The following NRROS variants were observed in gnomAD, a reference collection of about 807,000 sequenced individuals.
NRROS encodes negative regulator of reactive oxygen species.
In NRROS, 6 loss-of-function variants were observed where a neutral mutation model predicts 12.0. That is an observed-to-expected ratio of 0.50 (90% CI 0.27 to 0.98). The LOEUF (loss-of-function observed/expected upper bound fraction) is 0.98, where lower values mean the gene tolerates loss of function less well. NRROS is among the 50% of genes least tolerant of loss of function. NRROS has a pLI of 0.11. For synonymous variants in NRROS, 462 were observed against 410.2 expected, an observed-to-expected ratio of 1.13 and a Z score of -1.53; for missense variants, 857 against 888.2, an observed-to-expected ratio of 0.96 and a Z score of 0.45.
chr3:196,658,827 G>A (rs1047019796), intron 2 of NRROS, among the ~76,000 whole-genome samples: 12 of 152,172 alleles, frequency 7.9e-5, no homozygotes, highest in South Asian at 4.1e-4. Flanking sequence ...AAAGTTAGCT[G>A]GGCGTGGTGG....
At chr3:196,651,021 G>T (rs1048514905) in intron 1 of NRROS, among the ~76,000 whole-genome samples, 1 of 152,180 alleles carries the variant, frequency 6.6e-6, no homozygotes, top group African/African-American at 2.4e-5. Flanking sequence ...AGATGCTGTG[G>T]CGTGGTCCTC....
In NRROS at chr3:196,661,164, G is replaced by T. The variant is rs1197705745; in HGVS notation, c.1521G>T (p.Gln507His). The T allele has an allele frequency of 6.2e-7, 1 of 1,612,744 alleles. No individual in the cohort carries two copies. The highest frequency in any genetic ancestry group is 8.5e-7 in the Non-Finnish European group (1 of 1,179,126). The change falls in exon 3 of 3, where the codon CAG becomes CAT. Residue 507 changes from glutamine (Q) to histidine (H), a missense_variant. Transcript: ENST00000328557. The part of the protein sequence containing the change: ...GVLNGSLAPL[Q>H]DVAPMLQVLS... ...TGAATGGGAGCCTCGCCCCACTCCA[G>T]GATGTTGCCCCCATGTTACAGGTCC... is the stretch of plus-strand genomic sequence containing the variant.
rs189600508 is a variant in NRROS, at chr3:196,656,805, C to T, written c.108+2158C>T. On this transcript the variant is annotated intron_variant, in intron 2 of 2. Transcript: ENST00000328557. Reference sequence around the variant, plus strand: ...AGTAGAGAATTGGCTGCCAGGAAGCCCAAAGAGTGGGTTTCCTGTGGCTCT... The same window carrying T: ...AGTAGAGAATTGGCTGCCAGGAAGCTCAAAGAGTGGGTTTCCTGTGGCTCT... Among the ~76,000 whole-genome samples, 35 of 152,176 alleles carry T rather than the reference C, an allele frequency of 2.3e-4. No individual in the cohort carries two copies. In the East Asian group the frequency reaches 6.6e-3, roughly 29 times the overall value.
Position 196,654,632 on chromosome 3 carries a change from A to G in NRROS, c.93A>G (p.Gln31=), listed in dbSNP as rs528799510. Residue 31 remains glutamine, a synonymous_variant, in exon 2 of 3, where the codon CAA becomes CAG. Transcript: ENST00000328557. The surrounding 1 kb of genome is among the most constrained non-coding windows in gnomAD (Gnocchi z 4.4). ...NRSGTATAAS[Q]GVCKLVGGAA... is the part of the protein sequence containing the mutation. ...GCGGAACAGCCACAGCAGCCTCCCAAGGAGTCTGCAAGTTGGTGAGTTTCC... is the reference window on the plus strand; with the variant it reads ...GCGGAACAGCCACAGCAGCCTCCCAGGGAGTCTGCAAGTTGGTGAGTTTCC... 3.1e-5 allele frequency: 50 copies of G among 1,610,078 alleles called. No homozygotes were observed. The African/African-American group carries it at 5.3e-4, about 17-fold the overall frequency.
Position 196,661,888 on chromosome 3 carries a change from C to T in NRROS, c.*166C>T, listed in dbSNP as rs987796538. ...CCCACCCCACCCCCGCCCCCACCAC[C>T]GCCCAAGTTCTTTTTCCATCATTAT... On this transcript the variant is annotated 3_prime_UTR_variant, in exon 3 of 3. Coordinates refer to ENST00000328557, the MANE Select transcript of NRROS (RefSeq NM_198565.3). 1.2e-4 allele frequency: 57 copies of T among 466,108 alleles called. 1 individual carries two copies. The highest frequency in any genetic ancestry group is 1.1e-3 in the Middle Eastern group (2 of 1,756). The allele number at this position is 466,108 out of a possible 1,614,324, so 28.9% of individuals were successfully genotyped here.
At chr3:196,658,500 T>C (rs1205347016) in intron 2 of NRROS, among the ~76,000 whole-genome samples, 1 of 152,124 alleles carries the variant, frequency 6.6e-6, no homozygotes, top group East Asian at 1.9e-4. Context: ...TCAGATTGAG[T>C]CTGTCCTCCA....
chr3:196,658,838 C>T (rs765805416), intron 2 of NRROS, among the ~76,000 whole-genome samples: 5 of 152,028 alleles, frequency 3.3e-5, no homozygotes, highest in South Asian at 2.1e-4. Flanking sequence ...GGCGTGGTGG[C>T]ATGTGCCTGT....
At position 196,660,070 on chromosome 3, in the gene NRROS, G is replaced by C; in HGVS notation, c.427G>C (p.Ala143Pro). 1 of 1,613,132 alleles carries C rather than the reference G, an allele frequency of 6.2e-7. No homozygotes were observed. The highest frequency in any genetic ancestry group is 8.5e-7 in the Non-Finnish European group (1 of 1,179,942). Residue 143 changes from alanine to proline, a missense_variant, in exon 3 of 3, where the codon GCC (alanine) becomes CCC (proline). Physicochemically the swap from Ala to Pro is conservative, Grantham distance 27 (BLOSUM62 -1). Coordinates refer to ENST00000328557, the MANE Select transcript of NRROS (RefSeq NM_198565.3). The surrounding 1 kb of genome is among the most constrained non-coding windows in gnomAD (Gnocchi z 7.7). ...GLRRLDLSGN[A>P]LTEDMAALML... ...GCGGAGGCTGGACTTGTCAGGAAAC[G>C]CCCTGACGGAGGACATGGCAGCCCT...
chr3:196,659,283 A>G (rs2108642809), intron 2 of NRROS, among the ~76,000 whole-genome samples: 1 of 148,516 alleles, frequency 6.7e-6, no homozygotes, highest in South Asian at 2.1e-4. Flanking sequence ...AGGATGGTGA[A>G]AGCTCTCAAG....
intron 2 of NRROS, among the ~76,000 whole-genome samples, chr3:196,655,460 G>A (rs534593471): frequency 2.7e-5 from 4 of 147,106 alleles, no homozygotes; most frequent in African/African-American, 5.0e-5. Flanking sequence ...GCTTGAACCC[G>A]GGAGACGGAG....
chr3:196,659,468 C>T (rs1378841427), intron 2 of NRROS, among the ~76,000 whole-genome samples: 1 of 151,870 alleles, frequency 6.6e-6, no homozygotes, highest in South Asian at 2.1e-4. Flanking sequence ...CCACCACACC[C>T]GGCTAGTTTT....
chr3:196,644,927 G>C (rs1000371518), intron 1 of NRROS, among the ~76,000 whole-genome samples: 1 of 151,944 alleles, frequency 6.6e-6, no homozygotes, highest in African/African-American at 2.4e-5. Flanking sequence ...AATAACTACT[G>C]CACTCCAGCC....
chr3:196,654,818 T>A lies in NRROS; in HGVS notation c.108+171T>A. 1 of 580,066 alleles carries A rather than the reference T, an allele frequency of 1.7e-6. No individual in the cohort carries two copies. Among genetic ancestry groups the A allele is most frequent in the Non-Finnish European group, 3.0e-6 (1 of 328,332 alleles). 35.9% of individuals were successfully genotyped at this position (580,066 alleles called of 1,614,324 possible). On this transcript the variant is annotated intron_variant, in intron 2 of 2. Transcript: ENST00000328557. The surrounding 1 kb of genome is among the most constrained non-coding windows in gnomAD (Gnocchi z 4.4). Reference sequence around the variant, plus strand: ...TGCAGCTGCCCTTTAACCACAGGATTTTAAGATGCTTCCTGGGAAGAGCCA... The same window carrying A: ...TGCAGCTGCCCTTTAACCACAGGATATTAAGATGCTTCCTGGGAAGAGCCA...
At chr3:196,649,244 A>G (rs891255070) in intron 1 of NRROS, among the ~76,000 whole-genome samples, 1 of 152,060 alleles carries the variant, frequency 6.6e-6, no homozygotes, top group Admixed American at 6.6e-5. Context: ...GTTCTGTATC[A>G]TCTGTTCTCA....
chr3:196,659,260 C>T lies in NRROS; in HGVS notation c.109-492C>T, dbSNP rs1487689478. On this transcript the variant is annotated intron_variant, in intron 2 of 2. Transcript: ENST00000328557. ...TCTCCCCTCCAGACCCACTTTACTT[C>T]CCTGTACAATTCAGGATGGTGAAAG... 2.0e-5 allele frequency among the ~76,000 whole-genome samples: 3 copies of T among 150,862 alleles called. No homozygotes were observed. The East Asian group carries it at 5.9e-4, about 29-fold the overall frequency.
At chr3:196,641,969 T>C (rs1188190539) in intron 1 of NRROS, among the ~76,000 whole-genome samples, 1 of 152,262 alleles carries the variant, frequency 6.6e-6, no homozygotes, top group Non-Finnish European at 1.5e-5. Flanking sequence ...TGATGTGTCA[T>C]CGCACATCAG....
intron 1 of NRROS, among the ~76,000 whole-genome samples, chr3:196,647,885 A>G (rs759410039): frequency 1.3e-5 from 2 of 152,140 alleles, no homozygotes; most frequent in Non-Finnish European, 2.9e-5. Flanking sequence ...TATTTTTAGT[A>G]GAGACGGGGT....
rs11403911 is a variant in NRROS at position 196,657,707 on chromosome 3, CA to C, written c.109-2029del. On this transcript the variant is annotated intron_variant, in intron 2 of 2. Coordinates refer to ENST00000328557, the MANE Select transcript of NRROS (RefSeq NM_198565.3). Reference sequence around the variant, plus strand: ...GGACGACAAGAGTGAGACTCTGTCTCAAAAAAAAAAAAAAAAGATAAAAATT... The same window carrying C: ...GGACGACAAGAGTGAGACTCTGTCTCAAAAAAAAAAAAAAAGATAAAAATT... Among the ~76,000 whole-genome samples the C allele has an allele frequency of 1.4e-3, 175 of 123,144 alleles. 1 individual carries two copies. Among genetic ancestry groups the C allele is most frequent in the African/African-American group, 1.8e-3 (58 of 32,492 alleles). 80.8% of individuals were successfully genotyped at this position (123,144 alleles called of 152,430 possible).
At position 196,643,554 on chromosome 3, in the gene NRROS, G is replaced by A. The variant is rs570073600; in HGVS notation, c.-14+3679G>A. Among the ~76,000 whole-genome samples the A allele has an allele frequency of 6.0e-5, 7 of 117,342 alleles. No homozygotes were observed. The East Asian group carries it at 2.2e-3, about 37-fold the overall frequency. The allele number at this position is 117,342 out of a possible 152,430, so 77.0% of individuals were successfully genotyped here. A position where few individuals can be genotyped will look rare whatever the true frequency, so the allele number is the denominator to read the frequency against. On this transcript the variant is annotated intron_variant, in intron 1 of 2. Transcript: ENST00000328557. ...CCAAGAAAGAGAAGGACCGGGAGGG[G>A]ATTTCTCCCAGGAGAGAGAGCACAT... is the stretch of plus-strand genomic sequence containing the variant.
Sources: gnomAD v4.1 joint callset for allele counts (sites outside exome capture counted in the v4.1 genomes callset) on GRCh38, gnomAD v4.1.1 for gene constraint, Gnocchi (gnomAD v3.1) non-coding constraint, MANE v1.5 for transcripts, NCBI Gene and HGNC (gene_info 2026-07-23, HGNC 2026-07-21) for gene names.